ANO6: variants seen among roughly 807,000 people sequenced by gnomAD.
ANO6 encodes anoctamin 6.
ANO6 carries 106 observed loss-of-function variants against 117.5 expected under a neutral mutation model. The ratio of observed to expected loss-of-function variants is 0.90; its 90% CI spans 0.77 to 1.06. The LOEUF (loss-of-function observed/expected upper bound fraction) is 1.06. Ranked by LOEUF, ANO6 falls within the 50% of genes least tolerant of loss-of-function variation. The probability of loss-of-function intolerance (pLI) is 0.00; values close to 1 mark genes in which losing one functional copy is unlikely to be tolerated. For missense variants in ANO6, 955 were observed against 1,121.1 expected, an observed-to-expected ratio of 0.85 and a Z score of 2.12; for synonymous variants, 367 against 385.1, an observed-to-expected ratio of 0.95 and a Z score of 0.55.
At chr12:45,341,854 T>G (rs1940988604) in intron 3 of ANO6, among the ~76,000 whole-genome samples, 1 of 152,120 alleles carries the variant, frequency 6.6e-6, no homozygotes, top group South Asian at 2.1e-4. Context: ...AGAATTTCTT[T>G]TTTTTTAAGG....
At chr12:45,276,521 A>G (rs1938560640) in intron 1 of ANO6, among the ~76,000 whole-genome samples, 1 of 151,972 alleles carries the variant, frequency 6.6e-6, no homozygotes, top group African/African-American at 2.4e-5. Flanking sequence ...TTAGCCCTGC[A>G]TAGCCAACTC....
chr12:45,381,777 A>G (rs925624296), intron 10 of ANO6, among the ~76,000 whole-genome samples: 2 of 152,152 alleles, frequency 1.3e-5, no homozygotes, highest in Admixed American at 1.3e-4. Flanking sequence ...CATTTTACCC[A>G]GTATGTTCAA....
intron 1 of ANO6, among the ~76,000 whole-genome samples, chr12:45,296,847 A>G (rs1939311953): frequency 1.3e-5 from 2 of 152,260 alleles, no homozygotes; most frequent in African/African-American, 4.8e-5. Context: ...TAAGACATTT[A>G]GAAGTACCAG....
chr12:45,423,863 A>C (rs748229646), intron 19 of ANO6, among the ~76,000 whole-genome samples: 1 of 152,324 alleles, frequency 6.6e-6, no homozygotes, highest in African/African-American at 2.4e-5. Flanking sequence ...AAGCCCCTAC[A>C]GTGGACTTCC....
chr12:45,357,321 T>TCC lies in ANO6; in HGVS notation c.895_896insCC (p.Phe299SerfsTer18), dbSNP rs745758616. 6.2e-7 allele frequency: 1 copy of TCC among 1,613,906 alleles called. No homozygotes were observed. ...CTATGGAGAGAAGATTGGAATCTAC[T>TCC]TTGCTTGGCTGGGCTATTACACTCA... On this transcript the variant is annotated frameshift_variant, in exon 8 of 20. Coordinates refer to ENST00000320560, the MANE Select transcript of ANO6 (RefSeq NM_001025356.3). LOFTEE classifies it high-confidence loss of function.
chr12:45,314,521 ATATC>A (rs1565682864), intron 2 of ANO6, among the ~76,000 whole-genome samples: 2 of 151,058 alleles, frequency 1.3e-5, no homozygotes, highest in African/African-American at 2.4e-5. Flanking sequence ...ATATGTGTAT[ATATC>A]TACCAAATAT....
At chr12:45,394,070 G>A (rs1942536961) in intron 12 of ANO6, among the ~76,000 whole-genome samples, 1 of 152,138 alleles carries the variant, frequency 6.6e-6, no homozygotes, top group African/African-American at 2.4e-5. Flanking sequence ...AAAGAGTCAA[G>A]ACCCATCAGT....
chr12:45,333,440 A>T (rs1304377331), intron 3 of ANO6, among the ~76,000 whole-genome samples: 1 of 152,078 alleles, frequency 6.6e-6, no homozygotes, highest in African/African-American at 2.4e-5. Flanking sequence ...AGTTAAACAG[A>T]TCTAATACAT....
chr12:45,381,809 AC>A (rs1250282758), intron 10 of ANO6, among the ~76,000 whole-genome samples: 2 of 152,168 alleles, frequency 1.3e-5, no homozygotes, highest in African/African-American at 2.4e-5. Context: ...AGGGAAGAGG[AC>A]ATCCACTGTT....
intron 1 of ANO6, chr12:45,292,750 T>C: frequency 1.4e-6 from 2 of 1,419,588 alleles, no homozygotes; most frequent in Admixed American, 2.7e-5. Flanking sequence ...ACACCAAACA[T>C]GGAAATGTTA....
Position 45,246,926 on chromosome 12 carries a change from G to A in ANO6, c.70+30535G>A, listed in dbSNP as rs868160235. Reference sequence around the variant, plus strand: ...ATTACAGTTGTGTGCCACCACGCGCGGCTCATTGTTTTTATTTTTTTTTGA... The same window carrying A: ...ATTACAGTTGTGTGCCACCACGCGCAGCTCATTGTTTTTATTTTTTTTTGA... On this transcript the variant is annotated intron_variant, in intron 1 of 19. Coordinates refer to ENST00000320560, the MANE Select transcript of ANO6 (RefSeq NM_001025356.3). 7.3e-5 allele frequency among the ~76,000 whole-genome samples: 11 copies of A among 151,380 alleles called. No homozygotes were observed. The South Asian group carries it at 1.0e-3, about 14-fold the overall frequency.
intron 7 of ANO6, among the ~76,000 whole-genome samples, chr12:45,352,727 C>CAAAAAAAAAA (rs34198115): frequency 8.5e-6 from 1 of 118,252 alleles, no homozygotes; most frequent in African/African-American, 3.1e-5. Flanking sequence ...ACCCTGTCTC[C>CAAAAAAAAAA]AAAAAAAAAA....
At chr12:45,271,930 C>G (rs1938404881) in intron 1 of ANO6, among the ~76,000 whole-genome samples, 2 of 152,096 alleles carry the variant, frequency 1.3e-5, no homozygotes, top group South Asian at 4.1e-4. Context: ...AATCCTAAGT[C>G]TTCATACTTT....
intron 2 of ANO6, among the ~76,000 whole-genome samples, chr12:45,310,023 T>A: frequency 6.6e-6 from 1 of 152,152 alleles, no homozygotes. Context: ...ATCTCAAGGC[T>A]GAAAGCTTTT....
At chr12:45,281,624 C>A (rs777333610) in intron 1 of ANO6, among the ~76,000 whole-genome samples, 1 of 152,194 alleles carries the variant, frequency 6.6e-6, no homozygotes, top group Non-Finnish European at 1.5e-5. Flanking sequence ...TGGTGCTCAG[C>A]CATTCATGAG....
At chr12:45,393,323 C>G (rs1007143878) in intron 12 of ANO6, among the ~76,000 whole-genome samples, 1 of 152,150 alleles carries the variant, frequency 6.6e-6, no homozygotes, top group African/African-American at 2.4e-5. Flanking sequence ...CGAACAAAGC[C>G]TCCAAGAAAT....
intron 19 of ANO6, among the ~76,000 whole-genome samples, chr12:45,438,781 G>T (rs1381289935): frequency 6.6e-6 from 1 of 152,082 alleles, no homozygotes; most frequent in African/African-American, 2.4e-5. Flanking sequence ...ATAAATCCTG[G>T]TGTCATCTAG....
chr12:45,255,818 G>GGTTTTTTTTTTTT (rs749001458), intron 1 of ANO6, among the ~76,000 whole-genome samples: 6 of 81,690 alleles, frequency 7.3e-5, no homozygotes, highest in African/African-American at 2.7e-4. Flanking sequence ...CTCCCTGGGT[G>GGTTTTTTTTTTTT]TTTTTTTTTT....
At chr12:45,413,964 T>C (rs992605827) in intron 16 of ANO6, among the ~76,000 whole-genome samples, 1 of 152,076 alleles carries the variant, frequency 6.6e-6, no homozygotes, top group Non-Finnish European at 1.5e-5. Flanking sequence ...TGTTTGACCA[T>C]GTCACATAAA....
Sources: gnomAD v4.1 joint callset for allele counts (sites outside exome capture counted in the v4.1 genomes callset) on GRCh38, gnomAD v4.1.1 for gene constraint, MANE v1.5 for transcripts, NCBI Gene and HGNC (gene_info 2026-07-23, HGNC 2026-07-21) for gene names.